The following POTEJ variants were observed in gnomAD, a reference collection of about 807,000 sequenced individuals.
POTEJ encodes the protein POTE ankyrin domain family member J, also known as POTE ankyrin domain family, member J.
A neutral mutation model predicts 69.0 loss-of-function variants in POTEJ; 11 were observed. The ratio of observed to expected loss-of-function variants is 0.16; its 90% CI spans 0.10 to 0.26. The LOEUF is 0.26. Ranked by LOEUF, POTEJ falls within the 10% of genes least tolerant of loss-of-function variation. The pLI is 1.00. For synonymous variants in POTEJ, 117 were observed against 381.1 expected (o/e 0.31, Z 8.07); for missense variants, 327 against 1,045.5 (o/e 0.31, Z 9.48).
chr2:130,648,781 G>GTTTTTTT (rs761289482), intron 13 of POTEJ, among the ~76,000 whole-genome samples: 14 of 81,856 alleles, frequency 1.7e-4, no homozygotes, highest in African/African-American at 7.7e-4. Context: ...CTTTCTCATA[G>GTTTTTTT]TTTTTTTTTT....
At chr2:130,615,764 A>C (rs78646081) in intron 1 of POTEJ, among the ~76,000 whole-genome samples, 220 of 147,446 alleles carry the variant, frequency 1.5e-3, no homozygotes, top group East Asian at 3.7e-3. Flanking sequence ...CTGAATGTAA[A>C]AGTTGAAAAA....
intron 9 of POTEJ, among the ~76,000 whole-genome samples, chr2:130,636,377 A>G (rs1026125297): frequency 6.7e-6 from 1 of 149,960 alleles, no homozygotes; most frequent in African/African-American, 2.5e-5. Context: ...GTGATTTATC[A>G]TCTCTAACTT....
chr2:130,655,486 G>A (rs1452626906), intron 14 of POTEJ, among the ~76,000 whole-genome samples: 1 of 152,220 alleles, frequency 6.6e-6, no homozygotes, highest in Non-Finnish European at 1.5e-5. Flanking sequence ...TTGCAGAGAG[G>A]AACAGTTTGC....
chr2:130,625,359 A>T (rs1189103803), intron 6 of POTEJ, among the ~76,000 whole-genome samples: 25 of 151,952 alleles, frequency 1.6e-4, no homozygotes, highest in Non-Finnish European at 3.1e-4. Context: ...CAAACAATTA[A>T]AAATACAGAC....
intron 6 of POTEJ, among the ~76,000 whole-genome samples, chr2:130,625,537 G>C (rs1685675820): frequency 6.6e-6 from 1 of 151,644 alleles, no homozygotes; most frequent in South Asian, 2.1e-4. Context: ...ATGATTTAAG[G>C]TAAGCATGCA....
intron 1 of POTEJ, among the ~76,000 whole-genome samples, chr2:130,613,670 G>C (rs1685325712): frequency 7.3e-6 from 1 of 137,568 alleles, no homozygotes; most frequent in Non-Finnish European, 1.5e-5. Flanking sequence ...CCAAGTGCTG[G>C]GGTTACAGGC....
intron 13 of POTEJ, among the ~76,000 whole-genome samples, chr2:130,648,549 A>T (rs1175684843): frequency 7.3e-6 from 1 of 136,936 alleles, no homozygotes; most frequent in Non-Finnish European, 1.5e-5. Context: ...TCTGTACTAA[A>T]TCTAGGCATT....
At position 130,651,974 on chromosome 2, in the gene POTEJ, AC is replaced by A. The variant is rs376364470; in HGVS notation, c.1668-2938del. 1.4e-3 allele frequency among the ~76,000 whole-genome samples: 173 copies of A among 119,970 alleles called. 18 individuals are homozygous for A. The South Asian group carries it at 0.027, about 19-fold the overall frequency. The allele number at this position is 119,970 out of a possible 152,430, so 78.7% of individuals were successfully genotyped here. A position where few individuals can be genotyped will look rare whatever the true frequency, so the allele number is the denominator to read the frequency against. ...ATTTAGATATTTTAAAAATAAGGAT[AC>A]CCCCCCCCAATAGTTTGGCTTTGTG... On this transcript the variant is annotated intron_variant, in intron 13 of 14. Transcript: ENST00000409602.
At chr2:130,646,567 G>A (rs1686585806) in intron 13 of POTEJ, among the ~76,000 whole-genome samples, 1 of 145,706 alleles carries the variant, frequency 6.9e-6, no homozygotes, top group South Asian at 2.1e-4. Flanking sequence ...TTTTATTTTA[G>A]CTTCGGGGTA....
chr2:130,625,335 A>G (rs1685664218), intron 6 of POTEJ, among the ~76,000 whole-genome samples: 1 of 151,996 alleles, frequency 6.6e-6, no homozygotes, highest in African/African-American at 2.4e-5. Flanking sequence ...CCATTTTTCT[A>G]ATGCTATAGA....
At chr2:130,629,008 G>C (rs1352830048) in intron 6 of POTEJ, among the ~76,000 whole-genome samples, 1 of 150,206 alleles carries the variant, frequency 6.7e-6, no homozygotes, top group Non-Finnish European at 1.5e-5. Context: ...GACAGAGCAA[G>C]ACCCTGGCTC....
At chr2:130,623,802 T>G (rs1285000684) in intron 5 of POTEJ, among the ~76,000 whole-genome samples, 1 of 135,716 alleles carries the variant, frequency 7.4e-6, no homozygotes, top group African/African-American at 3.2e-5. Flanking sequence ...GTTGGGACAC[T>G]TTCTATTATG....
chr2:130,639,450 G>A (rs1320854277), intron 10 of POTEJ, among the ~76,000 whole-genome samples: 1 of 152,292 alleles, frequency 6.6e-6, no homozygotes, highest in Non-Finnish European at 1.5e-5. Flanking sequence ...CTGGTTAATT[G>A]TCATGATAAC....
rs553358031 is a variant in POTEJ, at chr2:130,637,037, G to C, written c.1299-1582G>C. Among the ~76,000 whole-genome samples the C allele has an allele frequency of 7.5e-5, 11 of 145,722 alleles. No individual in the cohort carries two copies. The East Asian group carries it at 7.9e-4, about 10-fold the overall frequency. Reference sequence around the variant, plus strand: ...GAGCTTGCAGTGAGCCGAGATCGTTGCACTGCACTCCAGCCTGGGTGACAG... The same window carrying C: ...GAGCTTGCAGTGAGCCGAGATCGTTCCACTGCACTCCAGCCTGGGTGACAG... On this transcript the variant is annotated intron_variant, in intron 9 of 14. Transcript: ENST00000409602.
chr2:130,618,774 CTT>C (rs1204750696), intron 3 of POTEJ, among the ~76,000 whole-genome samples: 918 of 31,940 alleles, frequency 0.029, no homozygotes, highest in Middle Eastern at 0.071. Context: ...ATTAATCTGA[CTT>C]TTTTTTTTTT....
intron 1 of POTEJ, among the ~76,000 whole-genome samples, chr2:130,612,524 T>C (rs1685247403): frequency 1.3e-5 from 2 of 152,294 alleles, no homozygotes. Flanking sequence ...CCCAGCACTT[T>C]GGGAGGCGGG....
chr2:130,646,704 C>A (rs1424569934), intron 13 of POTEJ, among the ~76,000 whole-genome samples: 1 of 137,368 alleles, frequency 7.3e-6, no homozygotes, highest in African/African-American at 3.1e-5. Flanking sequence ...CTGCCATGCT[C>A]CTCCCTCAAG....
In POTEJ at chr2:130,613,384, G is replaced by GTGTATA. The variant is rs775956806; in HGVS notation, c.410+1443_410+1444insGTATAT. Among the ~76,000 whole-genome samples, 455 of 83,558 alleles carry GTGTATA rather than the reference G, an allele frequency of 5.4e-3. 14 individuals carry two copies. The highest frequency in any genetic ancestry group is 8.1e-3 in the South Asian group (21 of 2,588). 54.8% of individuals were successfully genotyped at this position (83,558 alleles called of 152,430 possible). Reference sequence around the variant, plus strand: ...TATACATATATATGTGTGTGTGTGTGTATATATATATATATATATATATAT... The same window carrying GTGTATA: ...TATACATATATATGTGTGTGTGTGTGTGTATATATATATATATATATATATATATAT... On this transcript the variant is annotated intron_variant, in intron 1 of 14. Transcript: ENST00000409602.
chr2:130,634,011 T>C (rs1171100274), intron 9 of POTEJ, among the ~76,000 whole-genome samples: 1 of 151,120 alleles, frequency 6.6e-6, no homozygotes, highest in Admixed American at 6.6e-5. Flanking sequence ...TTCTGAGCTC[T>C]AGTGATCCTC....
Sources: allele counts gnomAD v4.1 joint callset (sites outside exome capture counted in the v4.1 genomes callset), GRCh38; gene constraint gnomAD v4.1.1; transcripts MANE v1.5; gene names NCBI Gene and HGNC (gene_info 2026-07-23, HGNC 2026-07-21).